The following GPC5 variants were observed in gnomAD, a reference collection of about 807,000 sequenced individuals.
The protein encoded by GPC5 is glypican-5.
GPC5 carries 47 observed loss-of-function variants against 53.9 expected under a neutral mutation model. The ratio of observed to expected loss-of-function variants is 0.87; its 90% CI spans 0.69 to 1.11. The LOEUF (loss-of-function observed/expected upper bound fraction) is 1.11. Ranked by LOEUF, GPC5 falls within the 50% of genes most tolerant of loss-of-function variation. The pLI is 0.00. For missense variants in GPC5, 748 were observed against 713.1 expected (o/e 1.05, Z -0.56); for synonymous variants, 286 against 263.3 (o/e 1.09, Z -0.84).
intron 1 of GPC5, among the ~76,000 whole-genome samples, chr13:91,431,664 A>G (rs1259465042): frequency 6.6e-6 from 1 of 152,202 alleles, no homozygotes; most frequent in Non-Finnish European, 1.5e-5. Flanking sequence ...GTTCCCCTTC[A>G]GGTCAACAAA....
At chr13:92,300,727 T>C (rs775801981) in intron 7 of GPC5, among the ~76,000 whole-genome samples, 2 of 152,234 alleles carry the variant, frequency 1.3e-5, no homozygotes, top group Non-Finnish European at 2.9e-5. Flanking sequence ...TTGAGGTACC[T>C]ATCTTAAGCA....
chr13:92,805,960 C>T (rs988721746), intron 7 of GPC5, among the ~76,000 whole-genome samples: 1 of 152,016 alleles, frequency 6.6e-6, no homozygotes, highest in Non-Finnish European at 1.5e-5. Context: ...AGAGAGTCAG[C>T]CTGTCCTTTG....
intron 7 of GPC5, among the ~76,000 whole-genome samples, chr13:92,411,424 A>C (rs988749406): frequency 3.3e-5 from 5 of 152,172 alleles, no homozygotes; most frequent in African/African-American, 1.2e-4. Context: ...CCACACTTGT[A>C]TTTTATTATA....
intron 6 of GPC5, among the ~76,000 whole-genome samples, chr13:91,997,990 G>A (rs2040519258): frequency 6.6e-6 from 1 of 152,082 alleles, no homozygotes; most frequent in African/African-American, 2.4e-5. Context: ...TAAAAGCTTT[G>A]TTTTACACTC....
intron 7 of GPC5, among the ~76,000 whole-genome samples, chr13:92,312,736 G>T (rs2043153388): frequency 6.6e-6 from 1 of 152,098 alleles, no homozygotes; most frequent in Non-Finnish European, 1.5e-5. Flanking sequence ...GTCTGTGAGT[G>T]TAATTTTATC....
chr13:92,534,825 T>C lies in GPC5; in HGVS notation c.1562-331457T>C, dbSNP rs565539267. On this transcript the variant is annotated intron_variant, in intron 7 of 7. Coordinates refer to ENST00000377067, the MANE Select transcript of GPC5 (RefSeq NM_004466.6). The stretch of plus-strand genomic sequence containing the variant: ...CACGAATGGTACAAGATAAAAACAA[T>C]ATGTCAAAACATGTAGTACAAGAAA... Among the ~76,000 whole-genome samples, 136 of 152,180 alleles carry C rather than the reference T, an allele frequency of 8.9e-4. 3 individuals carry two copies. Among genetic ancestry groups the C allele is most frequent in the African/African-American group, 2.9e-3 (122 of 41,524 alleles).
rs201694383 is a variant in GPC5, at chr13:91,451,833, G to T, written c.325+2911G>T. Reference sequence around the variant, plus strand: ...GGGTTTCAACATGTTGACCAGGCTGGTCTTGAACTTCTGACCTCATGATCT... The same window carrying T: ...GGGTTTCAACATGTTGACCAGGCTGTTCTTGAACTTCTGACCTCATGATCT... On this transcript the variant is annotated intron_variant, in intron 2 of 7. Transcript: ENST00000377067. 4.0e-5 allele frequency among the ~76,000 whole-genome samples: 6 copies of T among 151,446 alleles called. No homozygotes were observed. The East Asian group carries it at 1.2e-3, about 29-fold the overall frequency.
chr13:91,999,706 C>T (rs1442336955), intron 6 of GPC5, among the ~76,000 whole-genome samples: 2 of 152,132 alleles, frequency 1.3e-5, no homozygotes, highest in East Asian at 3.8e-4. Flanking sequence ...TCTAGATGAA[C>T]AATCTCATCA....
At chr13:92,353,185 G>A (rs1421663912) in intron 7 of GPC5, among the ~76,000 whole-genome samples, 2 of 148,722 alleles carry the variant, frequency 1.3e-5, no homozygotes, top group Non-Finnish European at 3.0e-5. Flanking sequence ...GCGTGAACCC[G>A]GGAAGCGGAG....
At chr13:92,016,614 G>T (rs1367992824) in intron 6 of GPC5, among the ~76,000 whole-genome samples, 1 of 152,138 alleles carries the variant, frequency 6.6e-6, no homozygotes, top group African/African-American at 2.4e-5. Flanking sequence ...CTTTTAAATG[G>T]TGTGAATCAA....
intron 7 of GPC5, among the ~76,000 whole-genome samples, chr13:92,813,230 G>T (rs894615840): frequency 6.6e-6 from 1 of 151,804 alleles, no homozygotes; most frequent in Admixed American, 6.6e-5. Flanking sequence ...CATTTTTGTT[G>T]AAATAAGATT....
chr13:91,919,214 C>T (rs2139013975), intron 6 of GPC5, among the ~76,000 whole-genome samples: 1 of 152,310 alleles, frequency 6.6e-6, no homozygotes, highest in South Asian at 2.1e-4. Flanking sequence ...TCTATTGCCA[C>T]TGTGCTATTT....
chr13:92,535,550 GGT>G (rs571009586), intron 7 of GPC5, among the ~76,000 whole-genome samples: 429 of 152,064 alleles, frequency 2.8e-3, no homozygotes, highest in Non-Finnish European at 5.1e-3. Context: ...GCAGTGATTT[GGT>G]GGGTTTCTGT....
intron 7 of GPC5, among the ~76,000 whole-genome samples, chr13:92,624,418 C>T (rs1290415459): frequency 6.6e-6 from 1 of 152,140 alleles, no homozygotes; most frequent in Non-Finnish European, 1.5e-5. Context: ...TAGGCAAACC[C>T]TTTAATGGAA....
Position 92,226,686 on chromosome 13 carries a change from C to T in GPC5, c.1561+81697C>T, listed in dbSNP as rs534289717. Among the ~76,000 whole-genome samples, 23 of 150,996 alleles carry T rather than the reference C, an allele frequency of 1.5e-4. 1 individual carries two copies. The South Asian group carries it at 4.4e-3, about 29-fold the overall frequency. Reference sequence around the variant, plus strand: ...CTGATCTCGGTCACTGCCACCTCTGCCTCCTGGGTTCAAGCGATTCTCCTT... The same window carrying T: ...CTGATCTCGGTCACTGCCACCTCTGTCTCCTGGGTTCAAGCGATTCTCCTT... On this transcript the variant is annotated intron_variant, in intron 7 of 7. Coordinates refer to ENST00000377067, the MANE Select transcript of GPC5 (RefSeq NM_004466.6).
At chr13:92,348,125 C>G (rs1422193520) in intron 7 of GPC5, among the ~76,000 whole-genome samples, 1 of 147,306 alleles carries the variant, frequency 6.8e-6, no homozygotes, top group African/African-American at 2.5e-5. Flanking sequence ...AAGTCCTTGT[C>G]TATCAATAAT....
At chr13:92,223,456 C>T (rs2042463371) in intron 7 of GPC5, among the ~76,000 whole-genome samples, 1 of 152,116 alleles carries the variant, frequency 6.6e-6, no homozygotes, top group Non-Finnish European at 1.5e-5. Flanking sequence ...TTATAACTAG[C>T]TATTTAGGGA....
rs201802005 is a variant in GPC5, at chr13:92,488,220, AC to A, written c.1561+343232del. Among the ~76,000 whole-genome samples, 671 of 152,226 alleles carry A rather than the reference AC, an allele frequency of 4.4e-3. 6 individuals carry two copies. The highest frequency in any genetic ancestry group is 0.015 in the African/African-American group (619 of 41,532). ...CCCATTTTTTTCTAACGTGGCTGTGACTAATTATTTAAGGATTGCAAACTTA... is the reference window on the plus strand; with the variant it reads ...CCCATTTTTTTCTAACGTGGCTGTGATAATTATTTAAGGATTGCAAACTTA... On this transcript the variant is annotated intron_variant, in intron 7 of 7. Coordinates refer to ENST00000377067, the MANE Select transcript of GPC5 (RefSeq NM_004466.6).
At chr13:91,882,634 T>C (rs541815093) in intron 5 of GPC5, among the ~76,000 whole-genome samples, 1 of 150,714 alleles carries the variant, frequency 6.6e-6, no homozygotes, top group East Asian at 1.9e-4. Context: ...TTTTTTTTTC[T>C]TTTCAGCTGA....
Sources: gnomAD v4.1 joint callset for allele counts (sites outside exome capture counted in the v4.1 genomes callset) on GRCh38, gnomAD v4.1.1 for gene constraint, MANE v1.5 for transcripts, NCBI Gene and HGNC (gene_info 2026-07-23, HGNC 2026-07-21) for gene names.